Variants in TRAPPC9 observed in about 807,000 individuals in gnomAD.
The protein encoded by TRAPPC9 is trafficking protein particle complex subunit 9, also known as IKK2 binding protein.
Under a neutral mutation model 124.0 loss-of-function variants are expected in TRAPPC9, and 83 were observed. The observed-to-expected ratio is 0.67, with a 90% CI of 0.56 to 0.80. The LOEUF (loss-of-function observed/expected upper bound fraction) is 0.80. TRAPPC9 is among the 30% of genes least tolerant of loss of function. The pLI, the probability that TRAPPC9 is intolerant of heterozygous loss-of-function variation, is 0.00. For synonymous variants in TRAPPC9, 638 were observed against 617.5 expected (o/e 1.03, Z -0.49); for missense variants, 1,302 against 1,508.3 (o/e 0.86, Z 2.27).
chr8:139,896,403 T>C (rs1388979213), intron 20 of TRAPPC9, among the ~76,000 whole-genome samples: 4 of 152,232 alleles, frequency 2.6e-5, no homozygotes, highest in Middle Eastern at 3.2e-3. Flanking sequence ...AAGGATGCCC[T>C]GGGTAAGTGC....
At chr8:140,438,967 G>A (rs955199349) in intron 3 of TRAPPC9, 85 bp downstream of exon 3, 19 of 1,572,576 alleles carry the variant, frequency 1.2e-5, no homozygotes, top group African/African-American at 2.7e-5. Context: ...TGGGATTACA[G>A]GCGTGAGCCA....
chr8:140,030,669 C>G (rs1038697815), intron 17 of TRAPPC9, among the ~76,000 whole-genome samples: 1 of 152,164 alleles, frequency 6.6e-6, no homozygotes, highest in Non-Finnish European at 1.5e-5. Flanking sequence ...CGAAATACTA[C>G]TCAGCTAAAG....
At chr8:140,453,526 A>G (rs528774953) in intron 1 of TRAPPC9, among the ~76,000 whole-genome samples, 27 of 37,218 alleles carry the variant, frequency 7.3e-4, no homozygotes, top group African/African-American at 2.3e-3. Context: ...GGACATCACA[A>G]CCCCACCTCT....
At chr8:139,988,146 T>C (rs1407454747) in intron 19 of TRAPPC9, among the ~76,000 whole-genome samples, 2 of 146,970 alleles carry the variant, frequency 1.4e-5, no homozygotes, top group African/African-American at 5.1e-5. Context: ...TCTCGCTCTG[T>C]CGCCCAGGCT....
At chr8:140,434,602 A>G (rs2070748489) in intron 4 of TRAPPC9, among the ~76,000 whole-genome samples, 1 of 152,222 alleles carries the variant, frequency 6.6e-6, no homozygotes, top group South Asian at 2.1e-4. Flanking sequence ...CCAGAAATCA[A>G]CCAATCATTC....
intron 21 of TRAPPC9, among the ~76,000 whole-genome samples, chr8:139,854,785 C>A (rs1400879342): frequency 1.3e-5 from 2 of 152,246 alleles, no homozygotes; most frequent in Non-Finnish European, 2.9e-5. Context: ...GAGGACTTGG[C>A]AGTGGCAGGT....
intron 17 of TRAPPC9, among the ~76,000 whole-genome samples, chr8:140,055,819 T>C (rs1475800041): frequency 2.0e-5 from 3 of 152,102 alleles, no homozygotes; most frequent in African/African-American, 7.2e-5. Flanking sequence ...ACTTGTACAT[T>C]GAAAACTACA....
At chr8:139,945,692 A>G (rs1034187547) in intron 19 of TRAPPC9, among the ~76,000 whole-genome samples, 1 of 152,230 alleles carries the variant, frequency 6.6e-6, no homozygotes, top group Non-Finnish European at 1.5e-5. Context: ...TCCAGTGCAT[A>G]AGGTGTGCTC....
intron 21 of TRAPPC9, among the ~76,000 whole-genome samples, chr8:139,766,650 G>C (rs373327875): frequency 6.6e-6 from 1 of 152,182 alleles, no homozygotes; most frequent in South Asian, 2.1e-4. Context: ...CCGGCATCAC[G>C]TGGGGACTCA....
chr8:140,427,076 C>A (rs2070450794), intron 4 of TRAPPC9, among the ~76,000 whole-genome samples: 1 of 148,662 alleles, frequency 6.7e-6, no homozygotes, highest in South Asian at 2.2e-4. Flanking sequence ...CAGGCGTGCG[C>A]CACCACGACC....
intron 7 of TRAPPC9, among the ~76,000 whole-genome samples, chr8:140,382,806 G>C (rs1271505503): frequency 2.0e-5 from 3 of 152,226 alleles, no homozygotes; most frequent in Non-Finnish European, 4.4e-5. Flanking sequence ...GCTTTGAAGA[G>C]AGTAGTGGTT....
intron 17 of TRAPPC9, among the ~76,000 whole-genome samples, chr8:140,088,682 C>T (rs929530317): frequency 6.6e-6 from 1 of 152,190 alleles, no homozygotes; most frequent in Admixed American, 6.5e-5. Context: ...ACGCTACTTC[C>T]TCAGGTTTTT....
intron 9 of TRAPPC9, among the ~76,000 whole-genome samples, chr8:140,343,912 G>A (rs972039982): frequency 3.9e-5 from 6 of 152,178 alleles, no homozygotes; most frequent in Non-Finnish European, 8.8e-5. Flanking sequence ...AGGGCAGAGG[G>A]AGAGAGGAAC....
intron 17 of TRAPPC9, among the ~76,000 whole-genome samples, chr8:140,094,089 A>C (rs1374724525): frequency 6.6e-6 from 1 of 152,154 alleles, no homozygotes; most frequent in African/African-American, 2.4e-5. Flanking sequence ...TACCAGGCAC[A>C]TTCTGCCCAC....
At chr8:139,850,613 G>C (rs1193558796) in intron 21 of TRAPPC9, among the ~76,000 whole-genome samples, 1 of 152,242 alleles carries the variant, frequency 6.6e-6, no homozygotes, top group Non-Finnish European at 1.5e-5. Flanking sequence ...ATAAGTCACA[G>C]AAGGAAAACT....
intron 16 of TRAPPC9, among the ~76,000 whole-genome samples, chr8:140,249,414 T>C (rs1258988697): frequency 1.3e-5 from 2 of 152,210 alleles, no homozygotes; most frequent in East Asian, 1.9e-4. Context: ...CCACATTTTC[T>C]TTATCCAATT....
chr8:140,047,118 C>T (rs977452703), intron 17 of TRAPPC9, among the ~76,000 whole-genome samples: 1 of 152,226 alleles, frequency 6.6e-6, no homozygotes, highest in African/African-American at 2.4e-5. Context: ...TGGGCCCCGC[C>T]AGCCTCTCCC....
chr8:140,019,645 T>C (rs1337444841), intron 18 of TRAPPC9, among the ~76,000 whole-genome samples: 3 of 142,664 alleles, frequency 2.1e-5, no homozygotes, highest in Non-Finnish European at 4.5e-5. Flanking sequence ...CTCTGCCTCA[T>C]GGGTTCAAGC....
chr8:140,430,626 T>C (rs918890645), intron 4 of TRAPPC9, among the ~76,000 whole-genome samples: 1 of 152,110 alleles, frequency 6.6e-6, no homozygotes, highest in African/African-American at 2.4e-5. Context: ...CTCAAGTTCA[T>C]GGAAAATGTG....
Sources: allele counts gnomAD v4.1 joint callset (sites outside exome capture counted in the v4.1 genomes callset), GRCh38; gene constraint gnomAD v4.1.1; transcripts MANE v1.5; gene names NCBI Gene and HGNC (gene_info 2026-07-23, HGNC 2026-07-21).